CAPN14: variants seen among roughly 807,000 people sequenced by gnomAD.
CAPN14 encodes the protein calpain-14.
A neutral mutation model predicts 101.3 loss-of-function variants in CAPN14; 94 were observed. The ratio of observed to expected loss-of-function variants is 0.93; its 90% confidence interval spans 0.79 to 1.10. The LOEUF (loss-of-function observed/expected upper bound fraction) is 1.10, where lower values mean the gene tolerates loss of function less well. Among genes scored for constraint, CAPN14 ranks in the 50% least tolerant of loss-of-function variants. The pLI, the probability that CAPN14 is intolerant of heterozygous loss-of-function variation, is 0.00. For synonymous variants in CAPN14, 338 were observed against 317.9 expected (o/e 1.06, Z -0.67); for missense variants, 837 against 828.4 (o/e 1.01, Z -0.13).
chr2:31,221,729 C>A (rs530197586), upstream of CAPN14, among the ~76,000 whole-genome samples: 10 of 152,192 alleles, frequency 6.6e-5, no homozygotes, highest in Non-Finnish European at 1.3e-4. Flanking sequence ...GCTTCTGTTT[C>A]ATGTCATTGG....
chr2:31,225,258 C>T (rs1230252347), intron 2 of CAPN14, among the ~76,000 whole-genome samples: 1 of 151,848 alleles, frequency 6.6e-6, no homozygotes, highest in Non-Finnish European at 1.5e-5. Context: ...TTTCTCACTT[C>T]CCAAATTGAT....
intron 1 of CAPN14, among the ~76,000 whole-genome samples, chr2:31,215,403 C>A (rs1682596984): frequency 1.3e-5 from 2 of 152,134 alleles, no homozygotes; most frequent in Non-Finnish European, 2.9e-5. Flanking sequence ...TCACGTCACG[C>A]CCTCAAAACC....
chr2:31,194,545 G>T, intron 8 of CAPN14, 62 bp from the exon 9 acceptor site: 1 of 1,046,438 alleles, frequency 9.6e-7, no homozygotes, highest in Non-Finnish European at 1.4e-6. Flanking sequence ...TTTAGTAAAG[G>T]CTCTATAGTG....
intron 2 of CAPN14, among the ~76,000 whole-genome samples, chr2:31,223,537 CT>C (rs1366327161): frequency 7.2e-6 from 1 of 138,022 alleles, no homozygotes; most frequent in Non-Finnish European, 1.5e-5. Context: ...TTTTCTTTTT[CT>C]TTTCTTTTTT....
At chr2:31,181,386 T>TTCTC (rs1171284901) in intron 16 of CAPN14, among the ~76,000 whole-genome samples, 12,490 of 131,146 alleles carry the variant, frequency 0.095, 840 homozygotes, top group African/African-American at 0.17. Context: ...TCTTTTCTTT[T>TTCTC]TTTCTTTCTT....
intron 1 of CAPN14, among the ~76,000 whole-genome samples, chr2:31,228,693 T>C (rs1683098087): frequency 6.6e-6 from 1 of 152,150 alleles, no homozygotes; most frequent in African/African-American, 2.4e-5. Context: ...GTAATAATCA[T>C]TATAATATTA....
At chr2:31,177,177 G>A in intron 19 of CAPN14, 35 bp from the exon 20 acceptor site, 1 of 1,473,528 alleles carries the variant, frequency 6.8e-7, no homozygotes, top group South Asian at 1.2e-5. Flanking sequence ...GTGGGTATTG[G>A]GGGCTTGCAC....
At position 31,233,403 on chromosome 2, in the gene CAPN14, A is replaced by G. The variant is rs572325823; in HGVS notation, c.-177+388T>C. 2.0e-5 allele frequency among the ~76,000 whole-genome samples: 3 copies of G among 152,326 alleles called. No individual in the cohort carries two copies. The East Asian group carries it at 5.8e-4, about 29-fold the overall frequency. ...ATCATTTAGGATCCAGCTTACAGTCATGCTTTCCATGAAGCCTTCCTCAAA... is the reference window on the plus strand; with the variant it reads ...ATCATTTAGGATCCAGCTTACAGTCGTGCTTTCCATGAAGCCTTCCTCAAA... On this transcript the variant is annotated intron_variant and NMD_transcript_variant, in intron 1 of 21. Transcript: ENST00000398824.
chr2:31,186,859 T>G (rs1680923968), intron 15 of CAPN14, among the ~76,000 whole-genome samples: 1 of 152,230 alleles, frequency 6.6e-6, no homozygotes, highest in African/African-American at 2.4e-5. Flanking sequence ...TTTTTAAAAC[T>G]GAGGCATATT....
intron 16 of CAPN14, among the ~76,000 whole-genome samples, chr2:31,184,844 G>C (rs1037788304): frequency 2.0e-5 from 3 of 152,194 alleles, no homozygotes; most frequent in Admixed American, 6.5e-5. Flanking sequence ...GCCTGAATTT[G>C]TACGAGCTTA....
Position 31,186,447 on chromosome 2 carries a change from CA to C in CAPN14, c.1625del (p.Leu542ArgfsTer4). 6.5e-7 allele frequency: 1 copy of C among 1,549,794 alleles called. No homozygotes were observed. The highest frequency in any genetic ancestry group is 8.7e-7 in the Non-Finnish European group (1 of 1,146,314). On this transcript the variant is annotated frameshift_variant, in exon 16 of 22. Coordinates refer to ENST00000403897, the MANE Select transcript of CAPN14 (RefSeq NM_001145122.2). LOFTEE classifies it high-confidence loss of function. The part of the protein sequence containing the change: ...EINAVQLQNL[L>X]NQMTWSSLGS... ...ACTTACTTGACCAGGTCATCTGGTT[CA>C]GGAGGTTCTGAAGTTGAACTGCATT...
chr2:31,227,555 T>A (rs1447329770), intron 1 of CAPN14, among the ~76,000 whole-genome samples: 1 of 152,224 alleles, frequency 6.6e-6, no homozygotes, highest in African/African-American at 2.4e-5. Context: ...TATAGACTTA[T>A]AAAAACGTAT....
At chr2:31,212,795 A>G (rs1195530190) in intron 1 of CAPN14, among the ~76,000 whole-genome samples, 4 of 152,230 alleles carry the variant, frequency 2.6e-5, no homozygotes, top group Admixed American at 2.0e-4. Flanking sequence ...CCTACAGGGT[A>G]GAGTCAGGTC....
In CAPN14 at chr2:31,180,973, C is replaced by T. The variant is rs902389007; in HGVS notation, c.1673G>A (p.Ser558Asn). The T allele has an allele frequency of 2.6e-6, 4 of 1,551,814 alleles. No homozygotes were observed. The highest frequency in any genetic ancestry group is 3.9e-5 in the Admixed American group (2 of 51,006). Reference protein sequence around the residue: ...SSLGSRQPFFSLEACQGILAL... With the variant: ...SSLGSRQPFFNLEACQGILAL... Reference sequence around the variant, plus strand: ...CAGGATCCCCTGGCAGGCTTCCAGGCTAAAGAAGGGCTGTCTGCTCCCCAG... The same window carrying T: ...CAGGATCCCCTGGCAGGCTTCCAGGTTAAAGAAGGGCTGTCTGCTCCCCAG... Residue 558 changes from serine to asparagine, a missense_variant, in exon 17 of 22, where the codon AGC becomes AAC. By Grantham distance (46) the Ser-to-Asn change is conservative. Transcript: ENST00000403897.
chr2:31,229,588 A>G (rs941791833), intron 1 of CAPN14, among the ~76,000 whole-genome samples: 18 of 150,368 alleles, frequency 1.2e-4, no homozygotes, highest in African/African-American at 4.4e-4. Flanking sequence ...AGGCAGGCTG[A>G]GAATCTCTTG....
At chr2:31,202,407 G>A (rs1055372245) in intron 3 of CAPN14, among the ~76,000 whole-genome samples, 155 bp from the exon 4 acceptor site, 3 of 152,304 alleles carry the variant, frequency 2.0e-5, no homozygotes, top group Non-Finnish European at 4.4e-5. Flanking sequence ...GTGAGCAGAG[G>A]TGGGGCTGGG....
intron 19 of CAPN14, 90 bp downstream of exon 19, chr2:31,177,656 C>T (rs1680371937): frequency 3.2e-6 from 3 of 939,106 alleles, no homozygotes; most frequent in Non-Finnish European, 5.1e-6. Flanking sequence ...ATTAGAGTTA[C>T]TTCAGCATGC....
chr2:31,182,639 G>A (rs2148674629), intron 16 of CAPN14, among the ~76,000 whole-genome samples: 1 of 137,304 alleles, frequency 7.3e-6, no homozygotes, highest in South Asian at 2.3e-4. Flanking sequence ...GGACGTGAAG[G>A]ACCTCTTCAA....
At chr2:31,177,597 A>C in intron 19 of CAPN14, 149 bp downstream of exon 19, 1 of 631,242 alleles carries the variant, frequency 1.6e-6, no homozygotes, top group Non-Finnish European at 2.8e-6. Context: ...CAATCATAAA[A>C]AATGTTGGAG....
Sources: allele counts gnomAD v4.1 joint callset (sites outside exome capture counted in the v4.1 genomes callset), GRCh38; gene constraint gnomAD v4.1.1; transcripts MANE v1.5; gene names NCBI Gene and HGNC (gene_info 2026-07-23, HGNC 2026-07-21).